The following GMDS variants were observed in gnomAD, a reference collection of about 807,000 sequenced individuals.
GMDS encodes the protein GDP-mannose 4,6-dehydratase, also known as GDP-mannose 4,6 dehydratase.
In GMDS, 20 loss-of-function variants were observed where a neutral mutation model predicts 49.9. That is an observed-to-expected ratio of 0.40 (90% CI 0.28 to 0.58). The LOEUF (loss-of-function observed/expected upper bound fraction) is 0.58. Among genes scored for constraint, GMDS ranks in the 20% least tolerant of loss-of-function variants. The pLI, the probability that GMDS is intolerant of heterozygous loss-of-function variation, is 0.42. For synonymous variants in GMDS, 177 were observed against 178.6 expected, an observed-to-expected ratio of 0.99 and a Z score of 0.07; for missense variants, 362 against 481.4, an observed-to-expected ratio of 0.75 and a Z score of 2.32.
chr6:2,171,263 G>C (rs1444918303), intron 1 of GMDS, among the ~76,000 whole-genome samples: 5 of 151,984 alleles, frequency 3.3e-5, no homozygotes, highest in Non-Finnish European at 1.5e-5. Flanking sequence ...AAGATTAAAA[G>C]AATAACAACA....
At chr6:1,987,152 T>C (rs1376110419) in intron 4 of GMDS, among the ~76,000 whole-genome samples, 2 of 152,150 alleles carry the variant, frequency 1.3e-5, no homozygotes, top group African/African-American at 2.4e-5. Context: ...GAAAAGGGAC[T>C]TGAGAAACCA....
chr6:1,710,351 C>A lies in GMDS; in HGVS notation c.987+16065G>T, dbSNP rs114960724. 6.5e-3 allele frequency among the ~76,000 whole-genome samples: 993 copies of A among 152,392 alleles called. 14 individuals are homozygous for A. The highest frequency in any genetic ancestry group is 0.023 in the African/African-American group (952 of 41,588). ...CAACTTGGTAAAGAAACCAATCACACTGATTGATCAGATGCCTAAAACAGC... is the reference window on the plus strand; with the variant it reads ...CAACTTGGTAAAGAAACCAATCACAATGATTGATCAGATGCCTAAAACAGC... On this transcript the variant is annotated intron_variant, in intron 9 of 10. Transcript: ENST00000380815.
At chr6:1,803,302 CTG>C (rs1160552150) in intron 7 of GMDS, among the ~76,000 whole-genome samples, 1 of 152,118 alleles carries the variant, frequency 6.6e-6, no homozygotes, top group Non-Finnish European at 1.5e-5. Context: ...AAAAATAAGA[CTG>C]TTTTGCAGTC....
intron 3 of GMDS, among the ~76,000 whole-genome samples, chr6:2,117,198 C>T (rs947827915): frequency 2.6e-5 from 4 of 152,168 alleles, no homozygotes; most frequent in East Asian, 1.9e-4. Flanking sequence ...ACCTGCAGAG[C>T]GGTGATCAAA....
chr6:2,101,931 T>G (rs896562628), intron 4 of GMDS, among the ~76,000 whole-genome samples: 26 of 152,092 alleles, frequency 1.7e-4, no homozygotes, highest in African/African-American at 5.8e-4. Context: ...AGCACAAAAC[T>G]TTGGTATTTT....
chr6:1,911,928 T>C (rs1402934438), intron 7 of GMDS, among the ~76,000 whole-genome samples: 2 of 152,294 alleles, frequency 1.3e-5, no homozygotes, highest in East Asian at 1.9e-4. Flanking sequence ...AATCCTCTAG[T>C]ACAGAGTTTT....
intron 4 of GMDS, among the ~76,000 whole-genome samples, chr6:2,075,352 T>A (rs767024833): frequency 3.3e-5 from 5 of 152,122 alleles, no homozygotes; most frequent in Non-Finnish European, 5.9e-5. Flanking sequence ...ACATGTGCCA[T>A]GTTGGTGTGC....
At chr6:1,908,927 C>T (rs1294571891) in intron 7 of GMDS, among the ~76,000 whole-genome samples, 1 of 152,164 alleles carries the variant, frequency 6.6e-6, no homozygotes, top group Non-Finnish European at 1.5e-5. Context: ...AGGGGGGTTA[C>T]ACCATCCACA....
At chr6:2,063,186 A>C (rs1028282921) in intron 4 of GMDS, among the ~76,000 whole-genome samples, 1 of 152,248 alleles carries the variant, frequency 6.6e-6, no homozygotes, top group African/African-American at 2.4e-5. Flanking sequence ...AAAAGTAAGA[A>C]AAAAAGATAA....
In GMDS at chr6:1,787,899, G is replaced by A. The variant is rs11961161; in HGVS notation, c.772-45313C>T. Among the ~76,000 whole-genome samples, 998 of 152,294 alleles carry A rather than the reference G, an allele frequency of 6.6e-3. 12 individuals carry two copies. Among genetic ancestry groups the A allele is most frequent in the African/African-American group, 0.023 (955 of 41,552 alleles). On this transcript the variant is annotated intron_variant, in intron 7 of 10. Transcript: ENST00000380815. ...AGAGGAGTGTGTACAGGACTGAAAT[G>A]TGGACCTCCGCCTGGTGCTGGAGGT...
At chr6:1,677,141 AAAG>A (rs1343817639) in intron 9 of GMDS, among the ~76,000 whole-genome samples, 1 of 152,262 alleles carries the variant, frequency 6.6e-6, no homozygotes, top group Non-Finnish European at 1.5e-5. Flanking sequence ...ACACTTCTCA[AAAG>A]AAGATATTTA....
intron 4 of GMDS, among the ~76,000 whole-genome samples, chr6:2,045,460 A>G (rs1306815814): frequency 6.6e-6 from 1 of 152,038 alleles, no homozygotes; most frequent in African/African-American, 2.4e-5. Flanking sequence ...CTTAAGGACA[A>G]AATTTCAACA....
intron 4 of GMDS, among the ~76,000 whole-genome samples, chr6:2,003,337 C>T (rs902044420): frequency 2.0e-5 from 3 of 152,046 alleles, no homozygotes; most frequent in Non-Finnish European, 2.9e-5. Context: ...GGAGAGACCA[C>T]GTATTTCAAT....
intron 9 of GMDS, among the ~76,000 whole-genome samples, chr6:1,671,374 GC>G (rs201598733): frequency 0.01 from 1,572 of 152,254 alleles, 35 homozygotes; most frequent in African/African-American, 0.036. Flanking sequence ...TCTCTGGGAA[GC>G]CCCACAATCT....
chr6:1,856,731 T>C (rs1757952302), intron 7 of GMDS, among the ~76,000 whole-genome samples: 1 of 152,182 alleles, frequency 6.6e-6, no homozygotes, highest in Non-Finnish European at 1.5e-5. Flanking sequence ...AAGTGTTTGG[T>C]GTGGAACTCT....
chr6:2,030,466 T>C (rs1416518224), intron 4 of GMDS, among the ~76,000 whole-genome samples: 1 of 152,214 alleles, frequency 6.6e-6, no homozygotes, highest in Non-Finnish European at 1.5e-5. Context: ...ACTTCTATTT[T>C]ACATGGACCT....
chr6:1,753,503 T>C (rs1767817739), intron 7 of GMDS, among the ~76,000 whole-genome samples: 1 of 152,188 alleles, frequency 6.6e-6, no homozygotes, highest in African/African-American at 2.4e-5. Flanking sequence ...TACAAGGATA[T>C]TGAGGACTTG....
chr6:1,806,994 C>T (rs140926653), intron 7 of GMDS, among the ~76,000 whole-genome samples: 101 of 152,164 alleles, frequency 6.6e-4, no homozygotes, highest in African/African-American at 2.3e-3. Flanking sequence ...AATCTCAATA[C>T]GGGGAGAGGA....
chr6:1,827,084 G>C, intron 7 of GMDS, among the ~76,000 whole-genome samples: 1 of 43,900 alleles, frequency 2.3e-5, no homozygotes, highest in African/African-American at 8.0e-5. Flanking sequence ...ATATATGTGT[G>C]TGTGTGTGTG....
Sources: allele counts gnomAD v4.1 joint callset (sites outside exome capture counted in the v4.1 genomes callset), GRCh38; gene constraint gnomAD v4.1.1; transcripts MANE v1.5; gene names NCBI Gene and HGNC (gene_info 2026-07-23, HGNC 2026-07-21).